Variants in RALGDS observed in about 807,000 individuals in gnomAD.
The protein encoded by RALGDS is ral guanine nucleotide exchange factor.
In RALGDS, 44 loss-of-function variants were observed where a neutral mutation model predicts 99.8. The ratio of observed to expected loss-of-function variants is 0.44; its 90% CI spans 0.35 to 0.57. The LOEUF is 0.57. RALGDS is among the 20% of genes least tolerant of loss of function. The pLI is 0.01. For missense variants in RALGDS, 1,022 were observed against 1,203.1 expected (o/e 0.85, Z 2.23); for synonymous variants, 529 against 505.0 (o/e 1.05, Z -0.64).
At chr9:133,137,671 T>C (rs573215900) in intron 1 of RALGDS, among the ~76,000 whole-genome samples, 1 of 152,324 alleles carries the variant, frequency 6.6e-6, no homozygotes, top group African/African-American at 2.4e-5. Context: ...AAGAGCCCTT[T>C]TTCTTAGAAG....
At chr9:133,136,376 G>A (rs1025379068) in intron 1 of RALGDS, among the ~76,000 whole-genome samples, 2 of 152,192 alleles carry the variant, frequency 1.3e-5, no homozygotes, top group Non-Finnish European at 2.9e-5. Context: ...GGTGGCTCAC[G>A]CCTGTAATCC....
chr9:133,108,903 G>C, intron 4 of RALGDS, 37 bp from the exon 5 acceptor site: 7 of 1,573,086 alleles, frequency 4.4e-6, no homozygotes, highest in Non-Finnish European at 6.1e-6. Context: ...TCAGAGGCCT[G>C]GGCTCCCCTG....
chr9:133,113,245 G>A (rs535117544), intron 1 of RALGDS, among the ~76,000 whole-genome samples: 35 of 152,172 alleles, frequency 2.3e-4, no homozygotes, highest in Non-Finnish European at 4.4e-4. Context: ...CCAGGTAGGC[G>A]TGGAGCTCAG....
Position 133,110,509 on chromosome 9 carries a change from GGACA to G in RALGDS, c.295-24_295-21del, listed in dbSNP as rs112392775. On this transcript the variant is annotated intron_variant, in intron 2 of 17. Transcript: ENST00000372050. ...CTCATACTGGGGTGGGACAGAGGAG[GGACA>G]GACAGTCAGTGGCAGCACACGAATC... 1.1e-5 allele frequency: 18 copies of G among 1,592,044 alleles called. No individual in the cohort carries two copies. Among genetic ancestry groups the G allele is most frequent in the African/African-American group, 8.1e-5 (6 of 74,502 alleles).
intron 1 of RALGDS, among the ~76,000 whole-genome samples, chr9:133,146,802 A>G (rs1296906174): frequency 6.6e-6 from 1 of 152,210 alleles, no homozygotes; most frequent in Non-Finnish European, 1.5e-5. Flanking sequence ...CCCTACAGAG[A>G]GACCCACATG....
At chr9:133,147,221 G>C (rs376011583) in intron 1 of RALGDS, among the ~76,000 whole-genome samples, 1 of 152,116 alleles carries the variant, frequency 6.6e-6, no homozygotes, top group Non-Finnish European at 1.5e-5. Context: ...GTCCAGACTC[G>C]TGCAGGGCTG....
At chr9:133,112,235 C>T in intron 1 of RALGDS, 83 bp from the exon 2 acceptor site, 2 of 914,114 alleles carry the variant, frequency 2.2e-6, no homozygotes, top group Non-Finnish European at 3.5e-6. Flanking sequence ...CCTGTGTAAC[C>T]TGTTTCCCAG....
In RALGDS at chr9:133,143,879, C is replaced by T. The variant is rs1483397160; in HGVS notation, c.18+5084G>A. Among the ~76,000 whole-genome samples the T allele has an allele frequency of 1.2e-4, 18 of 150,800 alleles. No individual in the cohort carries two copies. In the South Asian group the frequency reaches 2.9e-3, roughly 24 times the overall value. ...TGGGCCAGCGGCCCGCTGTGCACTC[C>T]GCTCCCTTTCGCTGATGCCATGTGA... is the stretch of plus-strand genomic sequence containing the variant. On this transcript the variant is annotated intron_variant, in intron 1 of 17. Transcript: ENST00000393160.
chr9:133,142,376 G>T (rs576099401), intron 1 of RALGDS, among the ~76,000 whole-genome samples: 24 of 152,226 alleles, frequency 1.6e-4, no homozygotes, highest in Admixed American at 2.6e-4. Context: ...TGCGCTGGTG[G>T]GGGTTGGAAG....
chr9:133,122,613 G>A (rs2119221924), upstream of RALGDS, among the ~76,000 whole-genome samples: 2 of 152,324 alleles, frequency 1.3e-5, no homozygotes, highest in Middle Eastern at 6.8e-3. Flanking sequence ...AAAAATTATG[G>A]TGGTAAGTTG....
At chr9:133,130,970 G>C in exon 1 of RALGDS, 1 of 1,535,476 alleles carries the variant, frequency 6.5e-7, no homozygotes, top group South Asian at 1.2e-5. Context: ...GAACCTGGCC[G>C]GGTGGATGCC....
At chr9:133,136,834 G>T (rs961678607) in intron 1 of RALGDS, among the ~76,000 whole-genome samples, 2 of 152,176 alleles carry the variant, frequency 1.3e-5, no homozygotes, top group Non-Finnish European at 2.9e-5. Context: ...CTACTCAGGA[G>T]GCTGAGGCAG....
chr9:133,106,333 A>G (rs569455438), intron 8 of RALGDS, among the ~76,000 whole-genome samples: 2 of 152,212 alleles, frequency 1.3e-5, no homozygotes, highest in East Asian at 3.9e-4. Context: ...GGTCCAAGAA[A>G]TTCTCCTGCC....
At chr9:133,138,621 C>T (rs1282115114) in intron 1 of RALGDS, among the ~76,000 whole-genome samples, 2 of 152,210 alleles carry the variant, frequency 1.3e-5, no homozygotes, top group Admixed American at 6.5e-5. Context: ...CTCATGGTCA[C>T]GGCTCCGGCC....
chr9:133,100,231 G>C (rs934103025), intron 17 of RALGDS, 37 bp downstream of exon 17: 1 of 1,574,298 alleles, frequency 6.4e-7, no homozygotes, highest in African/African-American at 1.4e-5. Flanking sequence ...GTGTGGACCT[G>C]CCCCCTCTGC....
chr9:133,102,643 GC>G, intron 13 of RALGDS, 72 bp from the exon 14 acceptor site: 1 of 1,605,730 alleles, frequency 6.2e-7, no homozygotes, highest in Non-Finnish European at 8.5e-7. Flanking sequence ...CTGCCCAGAA[GC>G]TGGAGTCGGG....
intron 1 of RALGDS, among the ~76,000 whole-genome samples, chr9:133,141,002 C>G (rs1832512358): frequency 6.6e-6 from 1 of 152,174 alleles, no homozygotes. Context: ...CCCAAGTGAA[C>G]ATACGAGCCC....
intron 4 of RALGDS, among the ~76,000 whole-genome samples, 156 bp downstream of exon 4, chr9:133,109,470 G>A (rs1026517736): frequency 2.0e-5 from 3 of 152,218 alleles, no homozygotes; most frequent in African/African-American, 7.2e-5. Flanking sequence ...CTTCCTGCAG[G>A]CGAAGCCCCC....
chr9:133,102,730 C>G (rs1363415126), intron 13 of RALGDS, 49 bp downstream of exon 13: 1 of 1,603,452 alleles, frequency 6.2e-7, no homozygotes, highest in Non-Finnish European at 8.5e-7. Flanking sequence ...GGAGCTGGCC[C>G]CCTAGGACAG....
Sources: gnomAD v4.1 joint callset for allele counts (sites outside exome capture counted in the v4.1 genomes callset) on GRCh38, gnomAD v4.1.1 for gene constraint, MANE v1.5 for transcripts, NCBI Gene and HGNC (gene_info 2026-07-23, HGNC 2026-07-21) for gene names.